PTPN3: variants seen among roughly 807,000 people sequenced by gnomAD.
PTPN3 encodes the protein protein tyrosine phosphatase non-receptor type 3, also known as tyrosine-protein phosphatase non-receptor type 3.
A neutral mutation model predicts 132.7 loss-of-function variants in PTPN3; 96 were observed. The observed-to-expected ratio is 0.72, with a 90% CI of 0.61 to 0.86. PTPN3 has a LOEUF of 0.86. PTPN3 is among the 40% of genes least tolerant of loss of function. PTPN3 has a pLI of 0.00. For missense variants in PTPN3, 1,125 were observed against 1,159.6 expected (o/e 0.97, Z 0.43); for synonymous variants, 398 against 429.0 (o/e 0.93, Z 0.89).
At chr9:109,420,636 A>T in intron 13 of PTPN3, 36 bp from the exon 14 acceptor site, 1 of 1,569,724 alleles carries the variant, frequency 6.4e-7, no homozygotes, top group Non-Finnish European at 8.7e-7. Context: ...AAGTGTTCAA[A>T]GCAAATTCCA....
intron 11 of PTPN3, 131 bp downstream of exon 11, chr9:109,428,490 A>T: frequency 1.2e-6 from 1 of 863,468 alleles, no homozygotes; most frequent in Non-Finnish European, 1.8e-6. Flanking sequence ...GCATGTTTCT[A>T]GTCCCAGCTA....
intron 14 of PTPN3, among the ~76,000 whole-genome samples, chr9:109,419,007 T>C (rs192777438): frequency 7.4e-4 from 112 of 152,340 alleles, no homozygotes; most frequent in African/African-American, 2.5e-3. Flanking sequence ...CACTCCTGCT[T>C]TGTATTTCTA....
At chr9:109,514,562 T>C in the PTPN3 span, among the ~76,000 whole-genome samples, 6 of 152,318 alleles carry the variant, frequency 3.9e-5, no homozygotes, top group Admixed American at 6.5e-5. Flanking sequence ...GCTTATTGTA[T>C]GGAGGAGAAG....
chr9:109,410,187 G>A, intron 15 of PTPN3, 42 bp downstream of exon 15: 1 of 1,611,432 alleles, frequency 6.2e-7, no homozygotes, highest in Non-Finnish European at 8.5e-7. Flanking sequence ...AGGCCGGGAA[G>A]CCCTGGGTGT....
chr9:109,391,895 C>A (rs997745073), intron 19 of PTPN3, among the ~76,000 whole-genome samples: 1 of 133,766 alleles, frequency 7.5e-6, no homozygotes, highest in African/African-American at 2.9e-5. Context: ...AGAATTCTGG[C>A]TCAAAATTAA....
intron 22 of PTPN3, among the ~76,000 whole-genome samples, chr9:109,384,698 T>A (rs1839417747): frequency 6.6e-6 from 1 of 152,258 alleles, no homozygotes; most frequent in Non-Finnish European, 1.5e-5. Flanking sequence ...TGAGCCTATA[T>A]GTGGTTATAG....
the PTPN3 span, among the ~76,000 whole-genome samples, chr9:109,536,390 T>C: frequency 6.6e-6 from 1 of 152,240 alleles, no homozygotes; most frequent in Non-Finnish European, 1.5e-5. Flanking sequence ...GGTCACACAG[T>C]AATTCCGTTT....
At chr9:109,496,838 GC>G (rs1847688756) in intron 1 of PTPN3, among the ~76,000 whole-genome samples, 1 of 152,144 alleles carries the variant, frequency 6.6e-6, no homozygotes, top group African/African-American at 2.4e-5. Context: ...ACCCTACAAT[GC>G]CCAGGACACA....
chr9:109,451,151 G>A (rs1255291440), intron 5 of PTPN3: 1 of 954,404 alleles, frequency 1.0e-6, no homozygotes, highest in Non-Finnish European at 1.2e-6. Flanking sequence ...CAGCTACTCA[G>A]GAGGCTGAGG....
intron 17 of PTPN3, 73 bp downstream of exon 17, chr9:109,408,248 C>A (rs1164173942): frequency 1.6e-6 from 2 of 1,263,360 alleles, no homozygotes; most frequent in East Asian, 4.9e-5. Context: ...AAACAGGACT[C>A]AGAAACAGAA....
At chr9:109,513,249 G>A in the PTPN3 span, among the ~76,000 whole-genome samples, 3 of 152,070 alleles carry the variant, frequency 2.0e-5, no homozygotes, top group Admixed American at 2.0e-4. Context: ...CAAACTCCTG[G>A]CCTCAAATGA....
At chr9:109,534,646 A>AC in the PTPN3 span, among the ~76,000 whole-genome samples, 3 of 149,864 alleles carry the variant, frequency 2.0e-5, no homozygotes, top group Non-Finnish European at 4.5e-5. Context: ...AAAAAAAAAA[A>AC]AAAAAAATAC....
chr9:109,429,825 T>C (rs1843535309), intron 10 of PTPN3, among the ~76,000 whole-genome samples: 1 of 152,214 alleles, frequency 6.6e-6, no homozygotes. Context: ...ATTTCTCTGC[T>C]GGAATCTTTA....
chr9:109,477,410 G>C (rs1846730898), intron 1 of PTPN3, among the ~76,000 whole-genome samples: 1 of 152,164 alleles, frequency 6.6e-6, no homozygotes, highest in Non-Finnish European at 1.5e-5. Context: ...TCTGCTCTAA[G>C]ATGACACACC....
chr9:109,448,235 G>A (rs1304756151), intron 6 of PTPN3, among the ~76,000 whole-genome samples: 1 of 152,118 alleles, frequency 6.6e-6, no homozygotes, highest in Non-Finnish European at 1.5e-5. Flanking sequence ...CAGGGGTTGG[G>A]GGTGCGGTGA....
chr9:109,438,902 G>A (rs1163153542), intron 7 of PTPN3, among the ~76,000 whole-genome samples: 4 of 152,200 alleles, frequency 2.6e-5, no homozygotes, highest in African/African-American at 9.7e-5. Flanking sequence ...AGGGGAGTCA[G>A]AAGATATGAA....
the PTPN3 span, among the ~76,000 whole-genome samples, chr9:109,508,091 TC>T: frequency 1.3e-5 from 2 of 151,890 alleles, no homozygotes; most frequent in Non-Finnish European, 2.9e-5. Context: ...AACTGCCTCT[TC>T]CCCGATTATC....
chr9:109,459,656 C>A (rs1384288713), intron 2 of PTPN3, among the ~76,000 whole-genome samples: 6 of 152,150 alleles, frequency 3.9e-5, no homozygotes, highest in Admixed American at 3.9e-4. Flanking sequence ...CTCAAGGGAT[C>A]CTCCTGCTTT....
At chr9:109,469,118 T>C (rs1263157122) in intron 1 of PTPN3, among the ~76,000 whole-genome samples, 3 of 152,220 alleles carry the variant, frequency 2.0e-5, no homozygotes, top group African/African-American at 7.2e-5. Flanking sequence ...GGAGTCAGGG[T>C]TGGGTAACAG....
Sources: allele counts gnomAD v4.1 joint callset (sites outside exome capture counted in the v4.1 genomes callset), GRCh38; gene constraint gnomAD v4.1.1; transcripts MANE v1.5; gene names NCBI Gene and HGNC (gene_info 2026-07-23, HGNC 2026-07-21).